Variants in AGMAT observed in about 807,000 individuals in gnomAD.
The protein encoded by AGMAT is agmatinase (putative).
A neutral mutation model predicts 29.3 loss-of-function variants in AGMAT; 37 were observed. The ratio of observed to expected loss-of-function variants is 1.26; its 90% CI spans 0.97 to 1.66. The LOEUF is 1.66. Ranked by LOEUF, AGMAT falls within the 40% of genes most tolerant of loss-of-function variation. The pLI is 0.00. For missense variants in AGMAT, 498 were observed against 497.8 expected (o/e 1.00, Z 0.00); for synonymous variants, 199 against 200.8 (o/e 0.99, Z 0.08).
At chr1:15,580,761 A>T (rs569392772) in intron 2 of AGMAT, among the ~76,000 whole-genome samples, 1 of 152,002 alleles carries the variant, frequency 6.6e-6, no homozygotes, top group East Asian at 2.0e-4. Flanking sequence ...AGGTCACCTG[A>T]TGTTGGGAGT....
intron 5 of AGMAT, chr1:15,575,504 A>G (rs1010743006): frequency 3.3e-5 from 5 of 152,328 alleles, no homozygotes; most frequent in African/African-American, 1.2e-4. Flanking sequence ...GTCTTCATTC[A>G]TTTACTCTCA....
Position 15,584,802 on chromosome 1 carries a change from C to G in AGMAT, c.166G>C (p.Val56Leu), listed in dbSNP as rs1639163295. ...SPEFVARPVG[V>L]CSMMRLPVQT... ...ACCGGCAGGCGCATCATGGAGCAGA[C>G]GCCCACCGGCCGGGCCACGAACTCG... is the stretch of plus-strand genomic sequence containing the variant. The change falls in exon 1 of 7, where the codon GTC becomes CTC. Residue 56 changes from valine to leucine, a missense_variant. Val to Leu is a conservative substitution (Grantham distance 32). Transcript: ENST00000375826. 1 of 1,397,568 alleles carries G rather than the reference C, an allele frequency of 7.2e-7. No individual in the cohort carries two copies. The highest frequency in any genetic ancestry group is 3.3e-5 in the Admixed American group (1 of 30,752). The allele number at this position is 1,397,568 out of a possible 1,614,324, so 86.6% of individuals were successfully genotyped here. A position where few individuals can be genotyped will look rare whatever the true frequency, so the allele number is the denominator to read the frequency against.
At chr1:15,583,526 T>G (rs1405656191) in intron 1 of AGMAT, 131 bp from the exon 2 acceptor site, 2 of 864,188 alleles carry the variant, frequency 2.3e-6, no homozygotes, top group Non-Finnish European at 3.6e-6. Context: ...AATGGAATGC[T>G]TAGCAGCATC....
At chr1:15,577,961 G>T in intron 4 of AGMAT, 97 bp from the exon 5 acceptor site, 1 of 1,178,658 alleles carries the variant, frequency 8.5e-7, no homozygotes, top group Non-Finnish European at 1.2e-6. Context: ...CATGACACTT[G>T]ACCCTCCATC....
At position 15,572,859 on chromosome 1, in the gene AGMAT, A is replaced by C. The variant is rs1638977640; in HGVS notation, c.*792T>G. 1 of 143,390 alleles carries C rather than the reference A, an allele frequency of 7.0e-6. No individual in the cohort carries two copies. The highest frequency in any genetic ancestry group is 1.5e-5 in the Non-Finnish European group (1 of 66,922). 8.9% of individuals were successfully genotyped at this position (143,390 alleles called of 1,614,324 possible). A position where few individuals can be genotyped will look rare whatever the true frequency, so the allele number is the denominator to read the frequency against. On this transcript the variant is annotated 3_prime_UTR_variant, in exon 7 of 7. Transcript: ENST00000375826. ...TTTTGAGATGGAGTCTTGCTCTGGC[A>C]CCCAGGCTGGAGTGCAGTGGTGCGA...
Position 15,574,820 on chromosome 1 carries a change from A to T in AGMAT, c.922T>A (p.Cys308Ser). 2 of 1,613,980 alleles carry T rather than the reference A, an allele frequency of 1.2e-6. No homozygotes were observed. The highest frequency in any genetic ancestry group is 1.7e-6 in the Non-Finnish European group (2 of 1,179,856). ...CAGCCCATCACGTTCAGGCCTTGACAACCCCTGATGATCTCCAGAGCCTAT... is the reference window on the plus strand; with the variant it reads ...CAGCCCATCACGTTCAGGCCTTGACTACCCCTGATGATCTCCAGAGCCTAT... ...PSQALEIIRG[C>S]QGLNVMGCDL... is the part of the protein sequence containing the mutation. Residue 308 changes from cysteine (C) to serine (S), a missense_variant, in exon 6 of 7, where the codon TGT (cysteine) becomes AGT (serine). Coordinates refer to ENST00000375826, the MANE Select transcript of AGMAT (RefSeq NM_024758.5).
At chr1:15,580,209 T>TC in intron 2 of AGMAT, 67 bp from the exon 3 acceptor site, 2 of 1,341,158 alleles carry the variant, frequency 1.5e-6, no homozygotes, top group East Asian at 4.7e-5. Context: ...ATCTTTTTTT[T>TC]TTTTTTTTTT....
chr1:15,584,340 CAG>C (rs763898204), intron 1 of AGMAT, among the ~76,000 whole-genome samples: 67 of 150,238 alleles, frequency 4.5e-4, no homozygotes, highest in Non-Finnish European at 7.5e-4. Flanking sequence ...TTTGTAGAGA[CAG>C]AGTTTCACCA....
At chr1:15,577,301 G>A (rs1386873702) in intron 5 of AGMAT, among the ~76,000 whole-genome samples, 1 of 151,970 alleles carries the variant, frequency 6.6e-6, no homozygotes, top group Non-Finnish European at 1.5e-5. Flanking sequence ...GCAGCCAGGC[G>A]CGGTGGCTGA....
chr1:15,581,192 A>C (rs914134066), intron 2 of AGMAT, among the ~76,000 whole-genome samples: 2 of 151,994 alleles, frequency 1.3e-5, no homozygotes, highest in African/African-American at 4.8e-5. Flanking sequence ...TGCAAAAAAT[A>C]CAAAAATTAG....
At chr1:15,577,357 G>A (rs1046959260) in intron 5 of AGMAT, among the ~76,000 whole-genome samples, 2 of 151,978 alleles carry the variant, frequency 1.3e-5, no homozygotes, top group Non-Finnish European at 1.5e-5. Flanking sequence ...AGTGGATCAC[G>A]AGATCAGGAG....
chr1:15,574,269 G>T (rs1016751915), intron 6 of AGMAT, among the ~76,000 whole-genome samples: 1 of 151,934 alleles, frequency 6.6e-6, no homozygotes, highest in Non-Finnish European at 1.5e-5. Flanking sequence ...CCTCCTGGGG[G>T]TTTTGTTAGG....
At position 15,573,487 on chromosome 1, in the gene AGMAT, T is replaced by G. The variant is rs572726688; in HGVS notation, c.*164A>C. The G allele has an allele frequency of 2.5e-3, 1,425 of 580,360 alleles. 4 individuals are homozygous for G. Among genetic ancestry groups the G allele is most frequent in the Non-Finnish European group, 3.9e-3 (1,247 of 320,866 alleles). 36.0% of individuals were successfully genotyped at this position (580,360 alleles called of 1,614,324 possible). ...CAAGTTCCTTAGAAATGTTGCTGTTTGGGTGAGAATTCTACTGATTATCCC... is the reference window on the plus strand; with the variant it reads ...CAAGTTCCTTAGAAATGTTGCTGTTGGGGTGAGAATTCTACTGATTATCCC... On this transcript the variant is annotated 3_prime_UTR_variant, in exon 7 of 7. Transcript: ENST00000375826.
At chr1:15,576,534 A>G (rs1557595726) in intron 5 of AGMAT, among the ~76,000 whole-genome samples, 1 of 151,186 alleles carries the variant, frequency 6.6e-6, no homozygotes, top group Non-Finnish European at 1.5e-5. Context: ...GGTTCAAGCA[A>G]TTCTCCTGCC....
chr1:15,581,054 C>T (rs556077478), intron 2 of AGMAT, among the ~76,000 whole-genome samples: 6 of 151,968 alleles, frequency 3.9e-5, no homozygotes, highest in Non-Finnish European at 5.9e-5. Context: ...AGCAAGACCA[C>T]GTCTCTAAAA....
At position 15,574,849 on chromosome 1, in the gene AGMAT, A is replaced by G. The variant is rs754900424; in HGVS notation, c.901-8T>C. On this transcript the variant is annotated splice_polypyrimidine_tract_variant and splice_region_variant and intron_variant, in intron 5 of 6. Transcript: ENST00000375826. ...CCTGATGATCTCCAGAGCCTATTCA[A>G]GATCAAGACTGAGTTGTCCACAGTG... The G allele has an allele frequency of 6.2e-7, 1 of 1,611,614 alleles. No individual in the cohort carries two copies. The highest frequency in any genetic ancestry group is 1.1e-5 in the South Asian group (1 of 91,034).
Position 15,584,680 on chromosome 1 carries a change from G to C in AGMAT, c.272+16C>G. The stretch of plus-strand genomic sequence containing the variant: ...GTCCCTCCACGTGTACCCGGCCCCC[G>C]TCCTTCCGGCCTTACCTCGCCCCAG... On this transcript the variant is annotated intron_variant, in intron 1 of 6. Coordinates refer to ENST00000375826, the MANE Select transcript of AGMAT (RefSeq NM_024758.5). The C allele has an allele frequency of 7.6e-7, 1 of 1,308,674 alleles. No individual in the cohort carries two copies. Among genetic ancestry groups the C allele is most frequent in the Non-Finnish European group, 9.8e-7 (1 of 1,023,778 alleles). The allele number at this position is 1,308,674 out of a possible 1,614,324, so 81.1% of individuals were successfully genotyped here.
chr1:15,579,800 G>C (rs1356370597), intron 3 of AGMAT, among the ~76,000 whole-genome samples: 2 of 152,206 alleles, frequency 1.3e-5, no homozygotes, highest in Non-Finnish European at 2.9e-5. Flanking sequence ...CTGAGGTTGT[G>C]TATTTCACTA....
intron 1 of AGMAT, 91 bp downstream of exon 1, chr1:15,584,605 C>T (rs1229235114): frequency 4.9e-6 from 6 of 1,228,440 alleles, no homozygotes; most frequent in Non-Finnish European, 6.1e-6. Context: ...GACCCGGGGC[C>T]AGCAGGGGCG....
Sources: gnomAD v4.1 joint callset for allele counts (sites outside exome capture counted in the v4.1 genomes callset) on GRCh38, gnomAD v4.1.1 for gene constraint, MANE v1.5 for transcripts, NCBI Gene and HGNC (gene_info 2026-07-23, HGNC 2026-07-21) for gene names.